Variants in MANSC4 observed in about 807,000 individuals in gnomAD.
The protein encoded by MANSC4 is MANSC domain containing 4, also known as MANSC domain-containing protein 4.
A neutral mutation model predicts 11.4 loss-of-function variants in MANSC4; 11 were observed. The observed-to-expected ratio is 0.97, with a 90% confidence interval of 0.61 to 1.60. The LOEUF (loss-of-function observed/expected upper bound fraction) is 1.60. Ranked by LOEUF, MANSC4 falls within the 40% of genes most tolerant of loss-of-function variation. The pLI is 0.00. For missense variants in MANSC4, 354 were observed against 404.6 expected (o/e 0.88, Z 1.07); for synonymous variants, 123 against 147.1 (o/e 0.84, Z 1.19).
intron 2 of MANSC4, among the ~76,000 whole-genome samples, chr12:27,768,040 T>C (rs1010340619): frequency 1.3e-5 from 2 of 152,170 alleles, no homozygotes; most frequent in African/African-American, 4.8e-5. Context: ...GGTAGAATTC[T>C]AGCAGGTGGG....
chr12:27,772,315 T>C (rs1394829622), intron 1 of MANSC4, among the ~76,000 whole-genome samples: 1 of 152,194 alleles, frequency 6.6e-6, no homozygotes, highest in East Asian at 1.9e-4. Flanking sequence ...CACAAAGCAC[T>C]CTACTGTTTC....
At position 27,763,242 on chromosome 12, in the gene MANSC4, A is replaced by G. The variant is rs1277035206; in HGVS notation, c.519T>C (p.Ala173=). 1 of 1,551,560 alleles carries G rather than the reference A, an allele frequency of 6.4e-7. No individual in the cohort carries two copies. The highest frequency in any genetic ancestry group is 8.7e-7 in the Non-Finnish European group (1 of 1,147,006). The part of the protein sequence containing the change: ...TINGMLPSTE[A]PSSTTHQDLV... ...AATCTTGATGCGTGGTTGAGGATGG[A>G]GCCTCTGTGGATGGCAGCATACCAT... The change falls in exon 4 of 4, where the codon GCT becomes GCC. Residue 173 remains alanine, a synonymous_variant. Transcript: ENST00000381273.
chr12:27,769,426 A>G (rs1591809675), intron 2 of MANSC4, among the ~76,000 whole-genome samples: 1 of 152,170 alleles, frequency 6.6e-6, no homozygotes, highest in East Asian at 1.9e-4. Context: ...GAAAGCCACA[A>G]CTGGGAAGTT....
At chr12:27,766,150 C>T (rs2062071383) in intron 3 of MANSC4, among the ~76,000 whole-genome samples, 1 of 151,500 alleles carries the variant, frequency 6.6e-6, no homozygotes, top group Non-Finnish European at 1.5e-5. Context: ...TCACTGCAAT[C>T]TCCGCCTCCC....
intron 1 of MANSC4, among the ~76,000 whole-genome samples, chr12:27,773,424 G>A (rs1161754197): frequency 6.6e-6 from 1 of 152,164 alleles, no homozygotes; most frequent in African/African-American, 2.4e-5. Flanking sequence ...TTGTCCCTGT[G>A]TGCTGAAACT....
At chr12:27,767,628 A>G (rs950269917) in intron 2 of MANSC4, among the ~76,000 whole-genome samples, 1 of 152,012 alleles carries the variant, frequency 6.6e-6, no homozygotes, top group African/African-American at 2.4e-5. Flanking sequence ...GCTTAAACCC[A>G]GGAGGTTACA....
rs1020675165 is a variant in MANSC4, at chr12:27,766,828, G to T, written c.230-29C>A. The T allele has an allele frequency of 5.2e-6, 8 of 1,546,666 alleles. No individual in the cohort carries two copies. The African/African-American group carries it at 1.1e-4, about 21-fold the overall frequency. On this transcript the variant is annotated intron_variant, in intron 2 of 3. Coordinates refer to ENST00000381273, the MANE Select transcript of MANSC4 (RefSeq NM_001146221.5). ...AAAGGGAAACAAGCGAAGTACATCT[G>T]CAGATGGTCTCAATTTGCACCAATT... is the stretch of plus-strand genomic sequence containing the variant.
chr12:27,770,952 C>T lies in MANSC4; in HGVS notation c.229+96G>A, dbSNP rs2062097653. On this transcript the variant is annotated intron_variant, in intron 2 of 3. Coordinates refer to ENST00000381273, the MANE Select transcript of MANSC4 (RefSeq NM_001146221.5). ...CTAGGGCATCTTCTCTAGTTCTTTA[C>T]AACTGTTTACTGGCCTCTGCCTAAG... The T allele has an allele frequency of 4.5e-6, 4 of 882,744 alleles. No individual in the cohort carries two copies. In the Admixed American group the frequency reaches 1.1e-4, roughly 25 times the overall value. The allele number at this position is 882,744 out of a possible 1,614,324, so 54.7% of individuals were successfully genotyped here.
intron 3 of MANSC4, among the ~76,000 whole-genome samples, chr12:27,763,784 G>C (rs1192362991): frequency 6.6e-6 from 1 of 152,048 alleles, no homozygotes; most frequent in African/African-American, 2.4e-5. Flanking sequence ...AGGCTGGAGT[G>C]CAGTGGTATG....
intron 3 of MANSC4, among the ~76,000 whole-genome samples, chr12:27,764,395 C>G (rs973558399): frequency 6.6e-6 from 1 of 152,174 alleles, no homozygotes; most frequent in East Asian, 1.9e-4. Context: ...TCTCTCTTGT[C>G]CTTGATGCTG....
chr12:27,764,068 GC>G (rs1341573162), intron 3 of MANSC4, among the ~76,000 whole-genome samples: 2 of 152,082 alleles, frequency 1.3e-5, no homozygotes, highest in Non-Finnish European at 1.5e-5. Flanking sequence ...GCAAAATAGG[GC>G]CTGAGAAGAG....
chr12:27,763,415 A>G lies in MANSC4; in HGVS notation c.365-19T>C, dbSNP rs997184375. 6.6e-7 allele frequency: 1 copy of G among 1,513,782 alleles called. No homozygotes were observed. The highest frequency in any genetic ancestry group is 1.4e-5 in the African/African-American group (1 of 71,378). The allele number at this position is 1,513,782 out of a possible 1,614,324, so 93.8% of individuals were successfully genotyped here. A position where few individuals can be genotyped will look rare whatever the true frequency, so the allele number is the denominator to read the frequency against. On this transcript the variant is annotated intron_variant, in intron 3 of 3. Coordinates refer to ENST00000381273, the MANE Select transcript of MANSC4 (RefSeq NM_001146221.5). Reference sequence around the variant, plus strand: ...TCTATACCTGAAAAATAAATAAGGCATCATTCATTTTATTTTTACTTTCAA... The same window carrying G: ...TCTATACCTGAAAAATAAATAAGGCGTCATTCATTTTATTTTTACTTTCAA...
chr12:27,762,485 G>A lies in MANSC4; in HGVS notation c.*253C>T, dbSNP rs543315151. Among the ~76,000 whole-genome samples the A allele has an allele frequency of 6.6e-6, 1 of 151,906 alleles. No homozygotes were observed. The highest frequency in any genetic ancestry group is 1.9e-4 in the East Asian group (1 of 5,176). ...GCCTCCTAAGTAGCTGGGACCACAG[G>A]TGCATCATATCGCCCCATGTGCTTT... On this transcript the variant is annotated 3_prime_UTR_variant, in exon 4 of 4. Transcript: ENST00000381273.
Position 27,780,174 on chromosome 12 carries a change from C to A in MANSC4, c.-307+36G>T. On this transcript the variant is annotated intron_variant, in intron 1 of 3. Coordinates refer to ENST00000381273, the MANE Select transcript of MANSC4 (RefSeq NM_001146221.5). This position sits in a 1 kb window ranked among gnomAD's most constrained non-coding sequence, Gnocchi z 8.8. ...GGGAGCGGGCCCCGGGAGGAGGGGCCGCCGGAGAGGCCGGGCGAGCGCGGG... is the reference window on the plus strand; with the variant it reads ...GGGAGCGGGCCCCGGGAGGAGGGGCAGCCGGAGAGGCCGGGCGAGCGCGGG... 1 of 381,818 alleles carries A rather than the reference C, an allele frequency of 2.6e-6. No homozygotes were observed. Among genetic ancestry groups the A allele is most frequent in the Non-Finnish European group, 4.1e-6 (1 of 245,746 alleles). The allele number at this position is 381,818 out of a possible 1,614,324, so 23.7% of individuals were successfully genotyped here. A position where few individuals can be genotyped will look rare whatever the true frequency, so the allele number is the denominator to read the frequency against.
At chr12:27,773,068 C>T (rs917680847) in intron 1 of MANSC4, among the ~76,000 whole-genome samples, 8 of 152,134 alleles carry the variant, frequency 5.3e-5, no homozygotes, top group Non-Finnish European at 1.0e-4. Flanking sequence ...CTTGGCCAGG[C>T]GGGGTGGCTA....
In MANSC4 at chr12:27,771,279, T is replaced by C; in HGVS notation, c.-3A>G. 2 of 1,549,458 alleles carry C rather than the reference T, an allele frequency of 1.3e-6. No individual in the cohort carries two copies. Among genetic ancestry groups the C allele is most frequent in the Admixed American group, 2.0e-5 (1 of 50,920 alleles). On this transcript the variant is annotated 5_prime_UTR_variant, in exon 2 of 4. Transcript: ENST00000381273. ...ACTGCTACCTCTGCCACATGCATTTTTCCTGTATGAAGGAAGACTCGAAGA... is the reference window on the plus strand; with the variant it reads ...ACTGCTACCTCTGCCACATGCATTTCTCCTGTATGAAGGAAGACTCGAAGA...
intron 1 of MANSC4, among the ~76,000 whole-genome samples, chr12:27,773,254 A>G (rs1449255223): frequency 6.6e-6 from 1 of 152,258 alleles, no homozygotes; most frequent in Non-Finnish European, 1.5e-5. Context: ...AAAGGGATCT[A>G]CAAGTCTCAA....
intron 1 of MANSC4, among the ~76,000 whole-genome samples, chr12:27,771,789 A>G (rs2062101939): frequency 6.6e-6 from 1 of 152,144 alleles, no homozygotes; most frequent in Non-Finnish European, 1.5e-5. Context: ...ATTGTTTTTT[A>G]AAAAATCATC....
At chr12:27,770,199 G>C (rs1228306018) in intron 2 of MANSC4, among the ~76,000 whole-genome samples, 7 of 147,098 alleles carry the variant, frequency 4.8e-5, no homozygotes, top group Non-Finnish European at 7.7e-5. Flanking sequence ...GAGAGAGAGA[G>C]AGAGTCAGTC....
Sources: allele counts gnomAD v4.1 joint callset (sites outside exome capture counted in the v4.1 genomes callset), GRCh38; gene constraint gnomAD v4.1.1; non-coding constraint Gnocchi (gnomAD v3.1); transcripts MANE v1.5; gene names NCBI Gene and HGNC (gene_info 2026-07-23, HGNC 2026-07-21).